Variants in DLGAP2 observed in about 807,000 individuals in gnomAD.
The protein encoded by DLGAP2 is disks large-associated protein 2.
A neutral mutation model predicts 100.3 loss-of-function variants in DLGAP2; 26 were observed. That is an observed-to-expected ratio of 0.26 (90% CI 0.19 to 0.36). The LOEUF is 0.36. DLGAP2 is among the 10% of genes least tolerant of loss of function. The pLI is 1.00. For synonymous variants in DLGAP2, 886 were observed against 630.1 expected (o/e 1.41, Z -6.08); for missense variants, 1,858 against 1,453.2 (o/e 1.28, Z -4.53).
chr8:821,239 G>T (rs1796577496), intron 1 of DLGAP2, among the ~76,000 whole-genome samples: 1 of 152,186 alleles, frequency 6.6e-6, no homozygotes, highest in Admixed American at 6.5e-5. Flanking sequence ...AGTTTCAGCA[G>T]ATAGCAGGCA....
intron 2 of DLGAP2, among the ~76,000 whole-genome samples, chr8:1,229,642 C>T (rs1336683780): frequency 1.3e-5 from 2 of 152,084 alleles, no homozygotes; most frequent in African/African-American, 2.4e-5. Context: ...ACTAATAAAA[C>T]CAACAGCACA....
chr8:1,532,007 G>C (rs1273484406), intron 4 of DLGAP2, among the ~76,000 whole-genome samples: 2 of 152,188 alleles, frequency 1.3e-5, no homozygotes, highest in African/African-American at 4.8e-5. Context: ...AAGTACACTG[G>C]TTCCGTCCAG....
At chr8:826,068 C>G (rs944242089) in intron 1 of DLGAP2, among the ~76,000 whole-genome samples, 1 of 152,240 alleles carries the variant, frequency 6.6e-6, no homozygotes, top group Non-Finnish European at 1.5e-5. Flanking sequence ...TAATTGAGAA[C>G]ATGCTGTGTT....
intron 2 of DLGAP2, among the ~76,000 whole-genome samples, chr8:909,909 C>T (rs1318029167): frequency 3.3e-5 from 5 of 152,164 alleles, no homozygotes; most frequent in African/African-American, 9.7e-5. Context: ...CTCAACACAG[C>T]GGAGGTTCTT....
At chr8:1,407,960 G>C (rs1047761056) in intron 3 of DLGAP2, among the ~76,000 whole-genome samples, 7 of 152,224 alleles carry the variant, frequency 4.6e-5, no homozygotes, top group Non-Finnish European at 8.8e-5. Context: ...CCTTGTTGGG[G>C]GTTGGGGTGG....
intron 3 of DLGAP2, among the ~76,000 whole-genome samples, chr8:1,378,911 C>T (rs192447520): frequency 1.1e-4 from 17 of 152,332 alleles, no homozygotes; most frequent in Middle Eastern, 3.4e-3. Flanking sequence ...GTCCTTTGGC[C>T]TCCAAGTTGT....
rs560194530 is a variant in DLGAP2, at chr8:776,748, C to T, written c.18+38923C>T. Among the ~76,000 whole-genome samples the T allele has an allele frequency of 1.1e-3, 171 of 152,218 alleles. 1 individual carries two copies. Among genetic ancestry groups the T allele is most frequent in the African/African-American group, 4.0e-3 (166 of 41,518 alleles). On this transcript the variant is annotated intron_variant, in intron 1 of 14. Coordinates refer to ENST00000637795, the MANE Select transcript of DLGAP2 (RefSeq NM_001346810.2). ...TATAATTTCTGTTCTTTTACATGTG[C>T]TGAGGAGAGCTTTACTTCCAAGTAT...
intron 2 of DLGAP2, among the ~76,000 whole-genome samples, chr8:1,183,702 G>A (rs1190722774): frequency 6.6e-6 from 1 of 152,180 alleles, no homozygotes; most frequent in Non-Finnish European, 1.5e-5. Flanking sequence ...TTCCACCCCA[G>A]TCCTCATTTC....
chr8:917,683 T>A (rs2129000815), intron 2 of DLGAP2, among the ~76,000 whole-genome samples: 1 of 152,250 alleles, frequency 6.6e-6, no homozygotes, highest in Admixed American at 6.5e-5. Context: ...CAGGTTCAAA[T>A]CATTCTCCTG....
At chr8:1,678,776 T>G in intron 12 of DLGAP2, 147 bp downstream of exon 12, 2 of 841,790 alleles carry the variant, frequency 2.4e-6, no homozygotes, top group Non-Finnish European at 3.3e-6. Flanking sequence ...TCCCCCTCAA[T>G]TCTAAGAAAA....
At chr8:1,667,476 G>A (rs886305835) in intron 8 of DLGAP2, among the ~76,000 whole-genome samples, 3 of 152,140 alleles carry the variant, frequency 2.0e-5, no homozygotes, top group African/African-American at 4.8e-5. Context: ...GCCCCTTTCC[G>A]GTGGTCTTCC....
chr8:913,102 A>C (rs1798521171), intron 2 of DLGAP2, among the ~76,000 whole-genome samples: 1 of 152,044 alleles, frequency 6.6e-6, no homozygotes, highest in South Asian at 2.1e-4. Context: ...TTTGTGATTT[A>C]TATTTGGATG....
intron 2 of DLGAP2, among the ~76,000 whole-genome samples, chr8:1,128,585 C>T (rs1024723257): frequency 6.6e-6 from 1 of 152,172 alleles, no homozygotes; most frequent in Non-Finnish European, 1.5e-5. Flanking sequence ...CAGGCTCAAT[C>T]GCCGGGTTTG....
At chr8:776,504 C>G (rs1205128071) in intron 1 of DLGAP2, among the ~76,000 whole-genome samples, 3 of 152,090 alleles carry the variant, frequency 2.0e-5, no homozygotes, top group Non-Finnish European at 4.4e-5. Flanking sequence ...ATAAATTTAC[C>G]TCTACACACT....
chr8:906,281 T>C (rs1366586667), intron 1 of DLGAP2, among the ~76,000 whole-genome samples: 1 of 152,230 alleles, frequency 6.6e-6, no homozygotes, highest in East Asian at 1.9e-4. Context: ...CAACTTAGTT[T>C]AGGGAAGGAT....
At chr8:1,034,164 C>T (rs868189267) in intron 2 of DLGAP2, among the ~76,000 whole-genome samples, 59 of 31,826 alleles carry the variant, frequency 1.9e-3, no homozygotes, top group South Asian at 3.1e-3. Flanking sequence ...ACGCTCATCC[C>T]GACCCCGCGT....
chr8:1,228,467 T>C (rs1400537445), intron 2 of DLGAP2, among the ~76,000 whole-genome samples: 1 of 152,210 alleles, frequency 6.6e-6, no homozygotes, highest in Non-Finnish European at 1.5e-5. Flanking sequence ...GTGAAGCCGA[T>C]ATTTGTCTGA....
intron 3 of DLGAP2, among the ~76,000 whole-genome samples, chr8:1,381,653 A>G (rs897186608): frequency 5.3e-5 from 8 of 152,166 alleles, no homozygotes; most frequent in African/African-American, 1.4e-4. Flanking sequence ...TAGTTCCACA[A>G]GTAAGTGAGG....
chr8:811,867 T>C (rs1796376448), intron 1 of DLGAP2, among the ~76,000 whole-genome samples: 1 of 152,228 alleles, frequency 6.6e-6, no homozygotes, highest in Non-Finnish European at 1.5e-5. Flanking sequence ...CCAAACTGAC[T>C]CTGAGGCTCT....
Sources: allele counts gnomAD v4.1 joint callset (sites outside exome capture counted in the v4.1 genomes callset), GRCh38; gene constraint gnomAD v4.1.1; transcripts MANE v1.5; gene names NCBI Gene and HGNC (gene_info 2026-07-23, HGNC 2026-07-21).